The following NRXN1 variants were observed in gnomAD, a reference collection of about 807,000 sequenced individuals.
NRXN1 encodes neurexin 1, also known as neurexin-1.
In NRXN1, 39 loss-of-function variants were observed where a neutral mutation model predicts 150.9. The observed-to-expected ratio is 0.26, with a 90% CI of 0.20 to 0.34. NRXN1 has a LOEUF of 0.34. Ranked by LOEUF, NRXN1 falls within the 10% of genes least tolerant of loss-of-function variation. NRXN1 has a pLI of 1.00. For synonymous variants in NRXN1, 924 were observed against 757.0 expected (o/e 1.22, Z -3.62); for missense variants, 1,815 against 1,949.9 (o/e 0.93, Z 1.30).
intron 18 of NRXN1, among the ~76,000 whole-genome samples, chr2:50,128,750 A>AG (rs973016902): frequency 3.9e-5 from 6 of 151,986 alleles, no homozygotes; most frequent in Admixed American, 3.9e-4. Flanking sequence ...GGGGGAGCTG[A>AG]GGGGGGTGGA....
chr2:50,884,348 C>T (rs1477585805), intron 5 of NRXN1, among the ~76,000 whole-genome samples: 1 of 151,710 alleles, frequency 6.6e-6, no homozygotes, highest in African/African-American at 2.4e-5. Flanking sequence ...TTCAAATTTT[C>T]TTATGCCTAC....
chr2:49,935,942 A>G lies in NRXN1; in HGVS notation c.4216+7762T>C, dbSNP rs545220977. On this transcript the variant is annotated intron_variant, in intron 22 of 22. Transcript: ENST00000401669. ...TCAGAGCATGGATGTGCATCTTGTT[A>G]TCTTCTTCCAAAGCTCAACAGGACA... 2.6e-5 allele frequency among the ~76,000 whole-genome samples: 4 copies of G among 152,322 alleles called. No individual in the cohort carries two copies. The East Asian group carries it at 7.7e-4, about 29-fold the overall frequency.
intron 5 of NRXN1, among the ~76,000 whole-genome samples, chr2:50,815,626 T>C (rs1668820972): frequency 2.0e-5 from 3 of 152,160 alleles, no homozygotes; most frequent in African/African-American, 7.2e-5. Context: ...CTTAATAAAT[T>C]CTATATAAAA....
At chr2:50,268,144 T>G (rs565775333) in intron 17 of NRXN1, among the ~76,000 whole-genome samples, 2 of 152,218 alleles carry the variant, frequency 1.3e-5, no homozygotes, top group African/African-American at 4.8e-5. Context: ...GAGCAGAGAT[T>G]GTGCCACTTC....
intron 21 of NRXN1, among the ~76,000 whole-genome samples, chr2:49,989,397 C>G (rs1486531061): frequency 6.6e-6 from 1 of 152,156 alleles, no homozygotes; most frequent in African/African-American, 2.4e-5. Context: ...AATGTGATAA[C>G]AAGGCTCTAA....
chr2:50,462,826 C>A (rs762682551), intron 17 of NRXN1, among the ~76,000 whole-genome samples: 1 of 151,740 alleles, frequency 6.6e-6, no homozygotes. Context: ...TTAATTATAT[C>A]TCCAGGCTAA....
chr2:50,186,792 C>A (rs1433386453), intron 18 of NRXN1, among the ~76,000 whole-genome samples: 1 of 151,936 alleles, frequency 6.6e-6, no homozygotes, highest in Non-Finnish European at 1.5e-5. Context: ...AGCAATATCT[C>A]TTAACATGTA....
intron 18 of NRXN1, among the ~76,000 whole-genome samples, chr2:50,215,612 T>A (rs1008419126): frequency 2.0e-5 from 3 of 152,060 alleles, no homozygotes; most frequent in African/African-American, 7.2e-5. Context: ...ATTCATGAAA[T>A]ATGCACAGTA....
chr2:50,555,986 A>G (rs1668186183), intron 8 of NRXN1, among the ~76,000 whole-genome samples: 2 of 152,150 alleles, frequency 1.3e-5, no homozygotes, highest in Non-Finnish European at 2.9e-5. Flanking sequence ...TAGTTCTTGT[A>G]GGTAAGAACT....
At chr2:50,467,204 A>G (rs2088980406) in intron 16 of NRXN1, among the ~76,000 whole-genome samples, 1 of 151,848 alleles carries the variant, frequency 6.6e-6, no homozygotes, top group East Asian at 1.9e-4. Context: ...TGTATTTTCT[A>G]CACTTTCACA....
At chr2:50,506,823 C>A (rs1275084643) in intron 12 of NRXN1, 2 of 537,786 alleles carry the variant, frequency 3.7e-6, no homozygotes, top group Admixed American at 3.2e-5. Context: ...AGAGTCATAG[C>A]AAGCAAGGAA....
At chr2:50,967,911 C>T (rs576437766) in intron 2 of NRXN1, among the ~76,000 whole-genome samples, 1 of 152,010 alleles carries the variant, frequency 6.6e-6, no homozygotes, top group East Asian at 1.9e-4. Flanking sequence ...ATAAACTTAG[C>T]ATGGCAATTT....
intron 21 of NRXN1, among the ~76,000 whole-genome samples, chr2:49,989,690 G>T (rs989602637): frequency 4.6e-5 from 7 of 152,118 alleles, no homozygotes; most frequent in Non-Finnish European, 1.0e-4. Flanking sequence ...ACTGGATGCT[G>T]CCAGAAAGTA....
chr2:50,117,774 GA>G lies in NRXN1; in HGVS notation c.3547-26281del, dbSNP rs59049470. On this transcript the variant is annotated intron_variant, in intron 18 of 22. Transcript: ENST00000401669. ...CAAATCATAAAGCCTCAGGCTGTCA[GA>G]AAAAAAAAAAAACAACCAACTGTAA... is the stretch of plus-strand genomic sequence containing the variant. Among the ~76,000 whole-genome samples, 668 of 133,240 alleles carry G rather than the reference GA, an allele frequency of 5.0e-3. 6 individuals are homozygous for G. The highest frequency in any genetic ancestry group is 0.016 in the African/African-American group (599 of 37,028). The allele number at this position is 133,240 out of a possible 152,430, so 87.4% of individuals were successfully genotyped here.
At chr2:50,906,093 A>G (rs951470871) in intron 5 of NRXN1, among the ~76,000 whole-genome samples, 2 of 152,126 alleles carry the variant, frequency 1.3e-5, no homozygotes, top group South Asian at 2.1e-4. Context: ...TGGTTACACT[A>G]GGGGCACTAA....
intron 18 of NRXN1, among the ~76,000 whole-genome samples, chr2:50,178,874 C>A (rs1025997888): frequency 6.6e-6 from 1 of 152,112 alleles, no homozygotes; most frequent in Non-Finnish European, 1.5e-5. Flanking sequence ...TGAAATCAGG[C>A]AGTAGTCTGG....
chr2:50,256,545 C>T (rs1326751281), intron 17 of NRXN1, among the ~76,000 whole-genome samples: 2 of 152,114 alleles, frequency 1.3e-5, no homozygotes, highest in Non-Finnish European at 2.9e-5. Context: ...TTATGCTACC[C>T]AATTTGTCCC....
Position 50,405,594 on chromosome 2 carries a change from C to A in NRXN1, c.3364+59848G>T, listed in dbSNP as rs1206104227. On this transcript the variant is annotated intron_variant, in intron 17 of 22. Coordinates refer to ENST00000401669, the MANE Select transcript of NRXN1 (RefSeq NM_001330078.2). ...GGACTGAAATAATGGTGATTTTCAACAGAGAAAATTGTACATTTCCTTTAT... is the reference window on the plus strand; with the variant it reads ...GGACTGAAATAATGGTGATTTTCAAAAGAGAAAATTGTACATTTCCTTTAT... Among the ~76,000 whole-genome samples, 6 of 152,268 alleles carry A rather than the reference C, an allele frequency of 3.9e-5. No individual in the cohort carries two copies. The East Asian group carries it at 1.2e-3, about 29-fold the overall frequency.
At chr2:50,559,561 T>A (rs1167786025) in intron 8 of NRXN1, among the ~76,000 whole-genome samples, 2 of 152,180 alleles carry the variant, frequency 1.3e-5, no homozygotes, top group Non-Finnish European at 2.9e-5. Context: ...AAACATTTGC[T>A]AGTGGTAACT....
Sources: gnomAD v4.1 joint callset for allele counts (sites outside exome capture counted in the v4.1 genomes callset) on GRCh38, gnomAD v4.1.1 for gene constraint, MANE v1.5 for transcripts, NCBI Gene and HGNC (gene_info 2026-07-23, HGNC 2026-07-21) for gene names.